The following TNRC6B variants were observed in gnomAD, a reference collection of about 807,000 sequenced individuals.
TNRC6B encodes trinucleotide repeat-containing gene 6B protein.
In TNRC6B, 52 loss-of-function variants were observed where a neutral mutation model predicts 203.6. The ratio of observed to expected loss-of-function variants is 0.26; its 90% CI spans 0.20 to 0.32. The LOEUF is 0.32. TNRC6B is among the 10% of genes least tolerant of loss of function. TNRC6B has a pLI of 1.00. For missense variants in TNRC6B, 1,923 were observed against 2,286.2 expected, an observed-to-expected ratio of 0.84 and a Z score of 3.24; for synonymous variants, 838 against 845.7, an observed-to-expected ratio of 0.99 and a Z score of 0.16.
intron 3 of TNRC6B, among the ~76,000 whole-genome samples, chr22:40,155,397 T>G (rs2068810811): frequency 6.6e-6 from 1 of 152,176 alleles, no homozygotes; most frequent in Admixed American, 6.6e-5. Context: ...CAAGCAATTC[T>G]TCTGTCTCAG....
intron 3 of TNRC6B, among the ~76,000 whole-genome samples, chr22:40,143,790 C>T (rs2068667358): frequency 6.6e-6 from 1 of 152,218 alleles, no homozygotes; most frequent in South Asian, 2.1e-4. Flanking sequence ...GCCACTGTGC[C>T]CGGCCTGGAA....
At chr22:40,315,911 T>C in intron 20 of TNRC6B, 31 bp from the exon 21 acceptor site, 3 of 1,575,548 alleles carry the variant, frequency 1.9e-6, no homozygotes, top group Non-Finnish European at 2.6e-6. Context: ...GTTTTATTTC[T>C]CTTCCTAACC....
intron 1 of TNRC6B, among the ~76,000 whole-genome samples, chr22:40,198,825 G>A (rs1049957801): frequency 3.3e-5 from 5 of 152,040 alleles, no homozygotes; most frequent in African/African-American, 9.7e-5. Context: ...ACATACATAC[G>A]CACATCTGTT....
At chr22:40,156,235 T>G (rs944252815) in intron 4 of TNRC6B, 42 of 1,521,186 alleles carry the variant, frequency 2.8e-5, no homozygotes, top group Non-Finnish European at 3.7e-5. Context: ...CGGAAACACT[T>G]TGGTTCAACA....
rs569460174 is a variant in TNRC6B, at chr22:40,122,476, G to A, written c.-46-3296G>A. On this transcript the variant is annotated intron_variant, in intron 2 of 23. Transcript: ENST00000301923. ...TCACGGGTAGTTGTGAGGGTCCTGT[G>A]TTTATGGGTGGAGGAGAAGAGGAGA... Among the ~76,000 whole-genome samples, 45 of 152,316 alleles carry A rather than the reference G, an allele frequency of 3.0e-4. No individual in the cohort carries two copies. The South Asian group carries it at 9.1e-3, about 31-fold the overall frequency.
intron 1 of TNRC6B, among the ~76,000 whole-genome samples, chr22:40,094,005 A>T (rs1288918215): frequency 6.6e-6 from 1 of 152,194 alleles, no homozygotes; most frequent in African/African-American, 2.4e-5. Flanking sequence ...GTAATACCCC[A>T]GTTACCCTGA....
intron 1 of TNRC6B, among the ~76,000 whole-genome samples, chr22:40,114,774 A>G (rs2068372047): frequency 6.6e-6 from 1 of 152,184 alleles, no homozygotes; most frequent in African/African-American, 2.4e-5. Context: ...GGAGTGGTTC[A>G]CAGTTTTACT....
intron 22 of TNRC6B, 99 bp from the exon 23 acceptor site, chr22:40,322,755 A>AAAGGACTGCACATTGAATGTC: frequency 2.8e-6 from 4 of 1,414,462 alleles, no homozygotes; most frequent in Non-Finnish European, 3.9e-6. Flanking sequence ...GCTTCTAGTC[A>AAAGGACTGCACATTGAATGTC]AAGGACTGCA....
chr22:40,270,093 A>G (rs1354738551), intron 5 of TNRC6B, 29 bp from the exon 6 acceptor site: 1 of 1,564,982 alleles, frequency 6.4e-7, no homozygotes, highest in Non-Finnish European at 8.7e-7. Flanking sequence ...TTAACAAATG[A>G]TTCTTAGAGA....
At chr22:40,224,759 T>G (rs1388044181) in intron 1 of TNRC6B, among the ~76,000 whole-genome samples, 2 of 152,248 alleles carry the variant, frequency 1.3e-5, no homozygotes, top group Non-Finnish European at 2.9e-5. Flanking sequence ...GTTTAAATAC[T>G]TTATCCATCT....
At chr22:40,048,709 T>G (rs1008065031) in intron 1 of TNRC6B, among the ~76,000 whole-genome samples, 1 of 152,224 alleles carries the variant, frequency 6.6e-6, no homozygotes, top group Non-Finnish European at 1.5e-5. Flanking sequence ...CTGTGAATGT[T>G]CACACATGAA....
chr22:40,077,785 A>G (rs1279184322), intron 1 of TNRC6B, among the ~76,000 whole-genome samples: 10 of 152,142 alleles, frequency 6.6e-5, no homozygotes, highest in Non-Finnish European at 1.2e-4. Flanking sequence ...GTGTGTGTAT[A>G]TACACACTTG....
intron 1 of TNRC6B, among the ~76,000 whole-genome samples, chr22:40,068,322 T>C (rs2067914720): frequency 6.6e-6 from 1 of 152,100 alleles, no homozygotes; most frequent in African/African-American, 2.4e-5. Flanking sequence ...TTCTTTTGTT[T>C]TGTTTTGTTT....
chr22:40,110,722 T>C (rs1392311922), intron 1 of TNRC6B, among the ~76,000 whole-genome samples: 3 of 152,222 alleles, frequency 2.0e-5, no homozygotes, highest in African/African-American at 7.2e-5. Context: ...ATTAACATTC[T>C]TGTGCCAGGG....
rs759062908 is a variant in TNRC6B at position 40,261,875 on chromosome 22, C to T, written c.159C>T (p.Ala53=). The change falls in exon 4 of 23, where the codon GCC becomes GCT. Residue 53 remains alanine, a synonymous_variant. Coordinates refer to ENST00000454349, the MANE Select transcript of TNRC6B (RefSeq NM_001162501.2). ...TKPSLSQPTA[A]SPIGSSPSPP... ...CAAGTTTAAGCCAACCAACGGCCGC[C>T]AGCCCAATTGGCAGCTCTCCATCGC... 4 of 1,587,422 alleles carry T rather than the reference C, an allele frequency of 2.5e-6. No individual in the cohort carries two copies. The highest frequency in any genetic ancestry group is 2.3e-5 in the East Asian group (1 of 44,222).
intron 2 of TNRC6B, among the ~76,000 whole-genome samples, chr22:40,121,888 T>C (rs1054682930): frequency 6.6e-6 from 1 of 152,258 alleles, no homozygotes; most frequent in African/African-American, 2.4e-5. Flanking sequence ...TATAAACCTC[T>C]AATTCAGCCT....
At chr22:40,143,875 CA>C (rs1439294517) in intron 3 of TNRC6B, among the ~76,000 whole-genome samples, 10 of 152,022 alleles carry the variant, frequency 6.6e-5, no homozygotes, top group African/African-American at 2.4e-4. Flanking sequence ...AAAGAATTAC[CA>C]AAAATCAGTT....
intron 3 of TNRC6B, among the ~76,000 whole-genome samples, chr22:40,143,056 C>G (rs1045974974): frequency 2.0e-5 from 3 of 152,176 alleles, no homozygotes; most frequent in East Asian, 1.9e-4. Flanking sequence ...GCAAAAAGCA[C>G]TAACTGTAAA....
Position 40,310,306 on chromosome 22 carries a change from T to C in TNRC6B, c.4259-511T>C, listed in dbSNP as rs568285875. Among the ~76,000 whole-genome samples, 329 of 152,336 alleles carry C rather than the reference T, an allele frequency of 2.2e-3. 2 individuals are homozygous for C. The highest frequency in any genetic ancestry group is 6.8e-3 in the African/African-American group (283 of 41,586). On this transcript the variant is annotated intron_variant, in intron 16 of 22. Transcript: ENST00000454349. ...CGTTGGAATTTAAAGCAATTGCAGA[T>C]GCTTTTCCCTCCAATGGACTCTCTG...
Sources: gnomAD v4.1 joint callset for allele counts (sites outside exome capture counted in the v4.1 genomes callset) on GRCh38, gnomAD v4.1.1 for gene constraint, MANE v1.5 for transcripts, NCBI Gene and HGNC (gene_info 2026-07-23, HGNC 2026-07-21) for gene names.